The following EYS variants were observed in gnomAD, a reference collection of about 807,000 sequenced individuals.
The protein encoded by EYS is protein eyes shut homolog.
In EYS, 250 loss-of-function variants were observed where a neutral mutation model predicts 282.1. The ratio of observed to expected loss-of-function variants is 0.89; its 90% CI spans 0.80 to 0.98. EYS has a LOEUF of 0.98. Ranked by LOEUF, EYS falls within the 50% of genes least tolerant of loss-of-function variation. The pLI is 0.00. For synonymous variants in EYS, 1,355 were observed against 1,282.9 expected, an observed-to-expected ratio of 1.06 and a Z score of -1.20; for missense variants, 4,016 against 3,709.0, an observed-to-expected ratio of 1.08 and a Z score of -2.15.
chr6:65,227,310 G>A (rs1766653335), intron 12 of EYS, among the ~76,000 whole-genome samples: 1 of 152,134 alleles, frequency 6.6e-6, no homozygotes, highest in African/African-American at 2.4e-5. Flanking sequence ...TGATTACAAG[G>A]GGCTGAGAAG....
At chr6:64,929,774 T>A (rs1264386408) in intron 15 of EYS, among the ~76,000 whole-genome samples, 1 of 152,166 alleles carries the variant, frequency 6.6e-6, no homozygotes, top group African/African-American at 2.4e-5. Context: ...TATCAACATA[T>A]GTTGCCACTG....
intron 12 of EYS, among the ~76,000 whole-genome samples, chr6:65,198,543 A>G (rs952087140): frequency 6.6e-6 from 1 of 152,014 alleles, no homozygotes; most frequent in Non-Finnish European, 1.5e-5. Context: ...CGAATAATGC[A>G]TTTTCCTAGG....
At chr6:64,958,751 A>G (rs1243256112) in intron 14 of EYS, among the ~76,000 whole-genome samples, 1 of 150,708 alleles carries the variant, frequency 6.6e-6, no homozygotes, top group Non-Finnish European at 1.5e-5. Context: ...AAAAAAAAAA[A>G]AAAAAAAAAA....
At chr6:65,365,060 T>G (rs1468513951) in intron 8 of EYS, among the ~76,000 whole-genome samples, 1 of 151,586 alleles carries the variant, frequency 6.6e-6, no homozygotes, top group Non-Finnish European at 1.5e-5. Flanking sequence ...ATCCTAACTC[T>G]GAAGAGCAGC....
intron 29 of EYS, among the ~76,000 whole-genome samples, chr6:64,372,194 T>C (rs2150414571): frequency 6.7e-6 from 1 of 149,316 alleles, no homozygotes; most frequent in East Asian, 2.0e-4. Flanking sequence ...CCTTTCCATA[T>C]TTAGCCCTCC....
intron 26 of EYS, among the ~76,000 whole-genome samples, chr6:64,478,946 T>C (rs1299852317): frequency 6.6e-6 from 1 of 151,926 alleles, no homozygotes; most frequent in African/African-American, 2.4e-5. Context: ...CCTCTTTATA[T>C]GTAAACTAGC....
chr6:65,167,532 G>A (rs191003994), intron 12 of EYS, among the ~76,000 whole-genome samples: 1 of 151,116 alleles, frequency 6.6e-6, no homozygotes, highest in Non-Finnish European at 1.5e-5. Context: ...CTGCAATTTT[G>A]CTATGAAATG....
At chr6:65,285,038 A>G (rs1768321888) in intron 12 of EYS, among the ~76,000 whole-genome samples, 1 of 151,928 alleles carries the variant, frequency 6.6e-6, no homozygotes, top group African/African-American at 2.4e-5. Context: ...ATGTTTTTCT[A>G]TTAAAGGTCT....
At chr6:63,884,853 T>A (rs1343461895) in intron 35 of EYS, among the ~76,000 whole-genome samples, 1 of 152,118 alleles carries the variant, frequency 6.6e-6, no homozygotes, top group Non-Finnish European at 1.5e-5. Context: ...TTTGAAAATG[T>A]ACCTTTTTTT....
chr6:63,852,763 A>T (rs1772292767), intron 36 of EYS, among the ~76,000 whole-genome samples: 1 of 152,242 alleles, frequency 6.6e-6, no homozygotes, highest in African/African-American at 2.4e-5. Flanking sequence ...ATCCAGTAGC[A>T]CATCAAAAAG....
At chr6:64,307,105 GAAGT>G in intron 29 of EYS, 23 bp from the exon 30 acceptor site, 2 of 864,598 alleles carry the variant, frequency 2.3e-6, no homozygotes, top group Non-Finnish European at 3.6e-6. Flanking sequence ...GAGAGAGAGA[GAAGT>G]AGAGATAATT....
chr6:65,049,604 A>G (rs1028652149), intron 13 of EYS, among the ~76,000 whole-genome samples: 2 of 151,746 alleles, frequency 1.3e-5, no homozygotes, highest in Non-Finnish European at 3.0e-5. Context: ...AAATGAAGAA[A>G]GGTACCCATT....
At chr6:64,840,971 T>C (rs1358801227) in intron 19 of EYS, among the ~76,000 whole-genome samples, 1 of 152,130 alleles carries the variant, frequency 6.6e-6, no homozygotes, top group Non-Finnish European at 1.5e-5. Context: ...GAAAGTTGTA[T>C]TAGACAGCAT....
At chr6:65,023,297 G>C (rs957886035) in intron 13 of EYS, among the ~76,000 whole-genome samples, 1 of 151,856 alleles carries the variant, frequency 6.6e-6, no homozygotes, top group African/African-American at 2.4e-5. Flanking sequence ...GCTTGTGTCA[G>C]AAAAAGTTCA....
intron 11 of EYS, among the ~76,000 whole-genome samples, chr6:65,299,195 A>G (rs1171034875): frequency 1.3e-5 from 2 of 151,856 alleles, no homozygotes; most frequent in African/African-American, 2.4e-5. Flanking sequence ...AATCTGTCCT[A>G]TTTTGCTATG....
intron 22 of EYS, among the ~76,000 whole-genome samples, chr6:64,775,950 A>T (rs1438931689): frequency 6.6e-6 from 1 of 152,078 alleles, no homozygotes; most frequent in African/African-American, 2.4e-5. Context: ...GAACACATCT[A>T]TATCAGGTTC....
intron 12 of EYS, among the ~76,000 whole-genome samples, chr6:65,222,981 A>T (rs1407675923): frequency 6.6e-6 from 1 of 152,196 alleles, no homozygotes; most frequent in Non-Finnish European, 1.5e-5. Context: ...AGCTAAACGG[A>T]AGTGATTAAG....
intron 12 of EYS, among the ~76,000 whole-genome samples, chr6:65,225,147 G>C (rs938857273): frequency 6.6e-6 from 1 of 151,504 alleles, no homozygotes; most frequent in African/African-American, 2.4e-5. Context: ...ATATCTTATG[G>C]ATATAGTTAG....
intron 21 of EYS, among the ~76,000 whole-genome samples, chr6:64,820,783 A>G (rs1183176624): frequency 6.6e-6 from 1 of 152,122 alleles, no homozygotes; most frequent in African/African-American, 2.4e-5. Context: ...CCGTGAATGC[A>G]TTTAACTACT....
Sources: gnomAD v4.1 joint callset for allele counts (sites outside exome capture counted in the v4.1 genomes callset) on GRCh38, gnomAD v4.1.1 for gene constraint, MANE v1.5 for transcripts, NCBI Gene and HGNC (gene_info 2026-07-23, HGNC 2026-07-21) for gene names.